The following CSMD1 variants were observed in gnomAD, a reference collection of about 807,000 sequenced individuals.
CSMD1 encodes the protein CUB and sushi domain-containing protein 1.
Under a neutral mutation model 417.5 loss-of-function variants are expected in CSMD1, and 213 were observed. The ratio of observed to expected loss-of-function variants is 0.51; its 90% CI spans 0.46 to 0.57. The LOEUF is 0.57. Ranked by LOEUF, CSMD1 falls within the 20% of genes least tolerant of loss-of-function variation. CSMD1 has a pLI of 0.00. For synonymous variants in CSMD1, 2,862 were observed against 1,736.8 expected (o/e 1.65, Z -16.11); for missense variants, 6,923 against 4,529.7 (o/e 1.53, Z -15.17).
intron 43 of CSMD1, among the ~76,000 whole-genome samples, chr8:3,109,269 G>T (rs1038561877): frequency 6.6e-6 from 1 of 152,078 alleles, no homozygotes; most frequent in African/African-American, 2.4e-5. Context: ...GTCTCAAAAA[G>T]AAATAAATTA....
intron 8 of CSMD1, among the ~76,000 whole-genome samples, chr8:3,599,711 C>T (rs146228653): frequency 6.6e-6 from 1 of 152,212 alleles, no homozygotes; most frequent in Admixed American, 6.5e-5. Context: ...CTGCTGCATG[C>T]CCAGATTGGC....
At chr8:3,514,339 C>T (rs1797199673) in intron 10 of CSMD1, among the ~76,000 whole-genome samples, 1 of 152,132 alleles carries the variant, frequency 6.6e-6, no homozygotes, top group African/African-American at 2.4e-5. Flanking sequence ...TGGCTGATCT[C>T]CCTGGTGATG....
At chr8:3,458,609 G>A (rs540412958) in intron 12 of CSMD1, among the ~76,000 whole-genome samples, 18 of 152,284 alleles carry the variant, frequency 1.2e-4, no homozygotes, top group Admixed American at 5.2e-4. Context: ...TTCGTCTTGC[G>A]TTAAGACAAC....
At chr8:3,329,419 G>C (rs1585008098) in intron 23 of CSMD1, among the ~76,000 whole-genome samples, 1 of 152,058 alleles carries the variant, frequency 6.6e-6, no homozygotes, top group Non-Finnish European at 1.5e-5. Context: ...AGCAGATGGA[G>C]AGTTCGAGAT....
chr8:4,724,284 T>C (rs1809263460), intron 1 of CSMD1, among the ~76,000 whole-genome samples: 1 of 152,108 alleles, frequency 6.6e-6, no homozygotes. Flanking sequence ...ATAAGCTATG[T>C]CAAATTGTGT....
chr8:4,730,901 C>G (rs1585012000), intron 1 of CSMD1, among the ~76,000 whole-genome samples: 1 of 127,910 alleles, frequency 7.8e-6, no homozygotes, highest in Non-Finnish European at 1.8e-5. Flanking sequence ...TGTGACTAAA[C>G]CGTGCTTTGT....
chr8:4,181,241 G>A (rs1250104135), intron 3 of CSMD1, among the ~76,000 whole-genome samples: 1 of 152,030 alleles, frequency 6.6e-6, no homozygotes, highest in Non-Finnish European at 1.5e-5. Flanking sequence ...ATTATCTATA[G>A]CCATACCACC....
intron 65 of CSMD1, among the ~76,000 whole-genome samples, 165 bp downstream of exon 65, chr8:2,954,059 T>C (rs1375004050): frequency 1.3e-5 from 2 of 152,252 alleles, no homozygotes; most frequent in African/African-American, 2.4e-5. Context: ...TGTTGTGAAA[T>C]AAACAGAATT....
At chr8:3,560,211 G>C (rs1459497334) in intron 10 of CSMD1, among the ~76,000 whole-genome samples, 1 of 152,074 alleles carries the variant, frequency 6.6e-6, no homozygotes, top group Non-Finnish European at 1.5e-5. Context: ...GAAATTCAAG[G>C]TCCAAAGAAG....
rs1801381176 is a variant in CSMD1, at chr8:4,486,162, CATATATATATATACATACAT to C, written c.303-66117_303-66098del. ...ACATACATATATATATATATACATA[CATATATATATATACATACAT>C]ATATATATATATATATACATACATA... On this transcript the variant is annotated intron_variant, in intron 2 of 69. Coordinates refer to ENST00000635120, the MANE Select transcript of CSMD1 (RefSeq NM_033225.6). Among the ~76,000 whole-genome samples, 296 of 48,598 alleles carry C rather than the reference CATATATATATATACATACAT, an allele frequency of 6.1e-3. 6 individuals are homozygous for C. Among genetic ancestry groups the C allele is most frequent in the Middle Eastern group, 0.033 (2 of 60 alleles). The allele number at this position is 48,598 out of a possible 152,430, so 31.9% of individuals were successfully genotyped here. A position where few individuals can be genotyped will look rare whatever the true frequency, so the allele number is the denominator to read the frequency against.
chr8:4,803,220 C>G (rs986114691), intron 1 of CSMD1, among the ~76,000 whole-genome samples: 1 of 152,058 alleles, frequency 6.6e-6, no homozygotes. Context: ...GGATAAATTC[C>G]AAACTTTTGA....
chr8:3,991,747 G>C (rs574652773), intron 5 of CSMD1, among the ~76,000 whole-genome samples: 26 of 152,276 alleles, frequency 1.7e-4, no homozygotes, highest in Admixed American at 1.5e-3. Flanking sequence ...GCGATGAAAT[G>C]TGGTCTCAAC....
chr8:3,587,868 T>C (rs188344894), intron 8 of CSMD1, among the ~76,000 whole-genome samples: 1 of 152,024 alleles, frequency 6.6e-6, no homozygotes, highest in Non-Finnish European at 1.5e-5. Flanking sequence ...ACAACTAGAG[T>C]TCTATGGAAC....
chr8:4,800,053 CA>C (rs920513275), intron 1 of CSMD1, among the ~76,000 whole-genome samples: 2 of 151,976 alleles, frequency 1.3e-5, no homozygotes, highest in Admixed American at 6.6e-5. Context: ...ACTATTACAC[CA>C]AAAATTTGAA....
intron 5 of CSMD1, among the ~76,000 whole-genome samples, chr8:3,834,009 G>A (rs967162886): frequency 1.6e-4 from 25 of 152,022 alleles, no homozygotes; most frequent in South Asian, 4.1e-4. Context: ...GGTGAATTAA[G>A]GATTTAAATA....
intron 1 of CSMD1, among the ~76,000 whole-genome samples, chr8:4,881,460 T>TATCTATC (rs138999962): frequency 0.096 from 10,030 of 104,040 alleles, 377 homozygotes; most frequent in South Asian, 0.11. Flanking sequence ...TCTATCTATC[T>TATCTATC]ATCTTGTCTC....
chr8:4,196,039 G>C (rs1012501916), intron 3 of CSMD1, among the ~76,000 whole-genome samples: 1 of 151,950 alleles, frequency 6.6e-6, no homozygotes, highest in African/African-American at 2.4e-5. Flanking sequence ...GTGAAACCTC[G>C]TCTCTACTGA....
intron 3 of CSMD1, among the ~76,000 whole-genome samples, chr8:4,363,149 C>T (rs1189366967): frequency 6.6e-6 from 1 of 152,176 alleles, no homozygotes; most frequent in Admixed American, 6.5e-5. Context: ...AGGTGAGAGA[C>T]AGTTTCAAAC....
At chr8:4,221,242 G>T (rs1469393533) in intron 3 of CSMD1, among the ~76,000 whole-genome samples, 2 of 152,116 alleles carry the variant, frequency 1.3e-5, no homozygotes, top group Admixed American at 1.3e-4. Context: ...AAAATGAAAT[G>T]TATGAAATGT....
Sources: gnomAD v4.1 joint callset for allele counts (sites outside exome capture counted in the v4.1 genomes callset) on GRCh38, gnomAD v4.1.1 for gene constraint, MANE v1.5 for transcripts, NCBI Gene and HGNC (gene_info 2026-07-23, HGNC 2026-07-21) for gene names.